Variants in GALNT11 observed in about 807,000 individuals in gnomAD.
The protein encoded by GALNT11 is polypeptide N-acetylgalactosaminyltransferase 11, also known as UDP-GalNAc:polypeptide N-acetylgalactosaminyltransferase 11.
In GALNT11, 47 loss-of-function variants were observed where a neutral mutation model predicts 72.7. The observed-to-expected ratio is 0.65, with a 90% confidence interval of 0.51 to 0.82. The LOEUF (loss-of-function observed/expected upper bound fraction) is 0.82. Among genes scored for constraint, GALNT11 ranks in the 40% least tolerant of loss-of-function variants. The pLI is 0.00. For synonymous variants in GALNT11, 270 were observed against 286.6 expected (o/e 0.94, Z 0.58); for missense variants, 677 against 778.4 (o/e 0.87, Z 1.55).
rs777607215 is a variant in GALNT11 at position 152,094,359 on chromosome 7, G to T, written c.132G>T (p.Gly44=). The change falls in exon 2 of 12, where the codon GGG becomes GGT. Residue 44 remains glycine (G), a synonymous_variant. Coordinates refer to ENST00000430044, the MANE Select transcript of GALNT11 (RefSeq NM_022087.4). The surrounding 1 kb of genome is among the most constrained non-coding windows in gnomAD (Gnocchi z 4.3). ...CACTTAAGAATGTGCCCGTCAAGGG[G>T]TCTGGGCCCCACGGACCATCTCCAA... ...TQPLKNVPVK[G]SGPHGPSPKK... 1.2e-6 allele frequency: 2 copies of T among 1,614,128 alleles called. No individual in the cohort carries two copies. The highest frequency in any genetic ancestry group is 1.7e-6 in the Non-Finnish European group (2 of 1,180,036).
At chr7:152,102,123 C>T (rs1295245649) in intron 3 of GALNT11, among the ~76,000 whole-genome samples, 3 of 152,092 alleles carry the variant, frequency 2.0e-5, no homozygotes, top group Non-Finnish European at 4.4e-5. Flanking sequence ...TTTGAAACCT[C>T]ATTGAGGAGA....
At chr7:152,028,964 GGCAAGT>G (rs1263311714) in intron 1 of GALNT11, among the ~76,000 whole-genome samples, 1 of 152,208 alleles carries the variant, frequency 6.6e-6, no homozygotes, top group Admixed American at 6.5e-5. Flanking sequence ...AGGGCCCGAA[GGCAAGT>G]AATAGCAAGA....
intron 1 of GALNT11, among the ~76,000 whole-genome samples, chr7:152,090,323 A>G (rs970524025): frequency 6.6e-6 from 1 of 152,096 alleles, no homozygotes; most frequent in African/African-American, 2.4e-5. Context: ...TTCATTTTCT[A>G]TTAATTCCTG....
At chr7:152,055,029 A>G (rs1030978068) in intron 1 of GALNT11, among the ~76,000 whole-genome samples, 1 of 152,216 alleles carries the variant, frequency 6.6e-6, no homozygotes, top group Non-Finnish European at 1.5e-5. Context: ...GGCCAGAGAC[A>G]CAGGGAGGAG....
Position 152,111,307 on chromosome 7 carries a change from G to A in GALNT11, c.1080+662G>A, listed in dbSNP as rs575344503. Among the ~76,000 whole-genome samples the A allele has an allele frequency of 2.0e-5, 3 of 151,948 alleles. No individual in the cohort carries two copies. In the East Asian group the frequency reaches 5.9e-4, roughly 30 times the overall value. The stretch of plus-strand genomic sequence containing the variant: ...GTAGCTGGGAGTACAGGCGCATGCC[G>A]CCACACCTGGCTAATTTTCTACTTT... On this transcript the variant is annotated intron_variant, in intron 7 of 11. Transcript: ENST00000430044.
At chr7:152,096,580 T>G (rs2086392939) in intron 2 of GALNT11, among the ~76,000 whole-genome samples, 1 of 151,988 alleles carries the variant, frequency 6.6e-6, no homozygotes, top group South Asian at 2.1e-4. Flanking sequence ...GTGGGCGTGG[T>G]GGCAGGTGCC....
At chr7:152,030,233 C>T (rs2082242582) in intron 1 of GALNT11, among the ~76,000 whole-genome samples, 1 of 152,120 alleles carries the variant, frequency 6.6e-6, no homozygotes, top group African/African-American at 2.4e-5. Flanking sequence ...GGTGTTTTTC[C>T]TTGACACTGA....
chr7:152,065,273 G>A (rs767950269), intron 1 of GALNT11, among the ~76,000 whole-genome samples: 17 of 152,126 alleles, frequency 1.1e-4, no homozygotes, highest in African/African-American at 2.9e-4. Context: ...CATTCATCAC[G>A]TAGTTCTCGT....
intron 1 of GALNT11, among the ~76,000 whole-genome samples, chr7:152,090,314 T>C (rs1405208144): frequency 6.6e-6 from 1 of 152,238 alleles, no homozygotes; most frequent in African/African-American, 2.4e-5. Flanking sequence ...TGTTTTATTT[T>C]CATTTTCTAT....
At chr7:152,101,406 G>A (rs550087482) in intron 3 of GALNT11, among the ~76,000 whole-genome samples, 1 of 152,194 alleles carries the variant, frequency 6.6e-6, no homozygotes, top group Admixed American at 6.5e-5. Context: ...AACAGATGTA[G>A]TAGTTCCTCA....
At chr7:152,105,403 G>T (rs1336610346) in intron 5 of GALNT11, 33 bp downstream of exon 5, 1 of 1,598,348 alleles carries the variant, frequency 6.3e-7, no homozygotes, top group South Asian at 1.1e-5. Context: ...CTCTACAGGT[G>T]TTGGATGACA....
chr7:152,098,791 CCTT>C (rs1446195001), intron 2 of GALNT11, among the ~76,000 whole-genome samples: 1 of 152,090 alleles, frequency 6.6e-6, no homozygotes, highest in Non-Finnish European at 1.5e-5. Context: ...GAGTTTCTCT[CCTT>C]GTATAAAATG....
intron 1 of GALNT11, among the ~76,000 whole-genome samples, chr7:152,062,493 C>T (rs1433499228): frequency 6.6e-6 from 1 of 152,126 alleles, no homozygotes; most frequent in Non-Finnish European, 1.5e-5. Context: ...CGAGGACTTC[C>T]AACAGTATGT....
At chr7:152,072,609 C>T (rs528366436) in intron 1 of GALNT11, among the ~76,000 whole-genome samples, 3 of 152,314 alleles carry the variant, frequency 2.0e-5, no homozygotes, top group Non-Finnish European at 2.9e-5. Context: ...AGGCATGTCC[C>T]AGCTTGCAGC....
At chr7:152,044,878 A>T (rs1025380367) in intron 1 of GALNT11, among the ~76,000 whole-genome samples, 17 of 151,646 alleles carry the variant, frequency 1.1e-4, no homozygotes, top group African/African-American at 4.1e-4. Flanking sequence ...TTAGAAGAAA[A>T]ACTTTCAGTC....
chr7:152,045,444 T>C (rs930461473), intron 1 of GALNT11, among the ~76,000 whole-genome samples: 2 of 152,236 alleles, frequency 1.3e-5, no homozygotes, highest in Non-Finnish European at 2.9e-5. Flanking sequence ...GACTTTTTAT[T>C]ACAGCTTTGA....
chr7:152,060,097 TAC>T (rs1320563730), intron 1 of GALNT11, among the ~76,000 whole-genome samples: 5 of 152,040 alleles, frequency 3.3e-5, no homozygotes, highest in Non-Finnish European at 7.4e-5. Context: ...TGCCTCACCT[TAC>T]ACTTTTATGT....
Position 152,070,273 on chromosome 7 carries a change from G to C in GALNT11, c.-38-23917G>C, listed in dbSNP as rs181266771. 2.3e-3 allele frequency among the ~76,000 whole-genome samples: 352 copies of C among 152,148 alleles called. 1 individual carries two copies. The highest frequency in any genetic ancestry group is 8.1e-3 in the African/African-American group (338 of 41,522). On this transcript the variant is annotated intron_variant, in intron 1 of 11. Transcript: ENST00000430044. ...GTCCTCCCAAAGTGCTGGGATTACA[G>C]GTGTGAGCCACCGCGCCTGGCCTTT...
At chr7:152,102,996 A>AG (rs2129050516) in intron 3 of GALNT11, 116 bp from the exon 4 acceptor site, 1 of 933,456 alleles carries the variant, frequency 1.1e-6, no homozygotes, top group Non-Finnish European at 1.5e-6. Flanking sequence ...AAAAAAAAAA[A>AG]GGCAGGGGGT....
Sources: gnomAD v4.1 joint callset for allele counts (sites outside exome capture counted in the v4.1 genomes callset) on GRCh38, gnomAD v4.1.1 for gene constraint, Gnocchi (gnomAD v3.1) non-coding constraint, MANE v1.5 for transcripts, NCBI Gene and HGNC (gene_info 2026-07-23, HGNC 2026-07-21) for gene names.